Variants in EPHA6 observed in about 807,000 individuals in gnomAD.
EPHA6 encodes the protein ephrin type-A receptor 6.
EPHA6 carries 50 observed loss-of-function variants against 112.0 expected under a neutral mutation model. The ratio of observed to expected loss-of-function variants is 0.45; its 90% CI spans 0.36 to 0.56. EPHA6 has a LOEUF of 0.56. Among genes scored for constraint, EPHA6 ranks in the 20% least tolerant of loss-of-function variants. The pLI is 0.00. For synonymous variants in EPHA6, 529 were observed against 490.7 expected (o/e 1.08, Z -1.03); for missense variants, 1,280 against 1,417.4 (o/e 0.90, Z 1.56).
In EPHA6 at chr3:97,340,222, C is replaced by T. The variant is rs568743188; in HGVS notation, c.1607-64928C>T. On this transcript the variant is annotated intron_variant, in intron 5 of 17. Transcript: ENST00000389672. ...TTTCAGGCAGTTCTTGACCAAAGGC[C>T]TTTGTATATGTAGAAGTTCCTGTGG... Among the ~76,000 whole-genome samples the T allele has an allele frequency of 1.6e-3, 245 of 152,180 alleles. 3 individuals carry two copies. Among genetic ancestry groups the T allele is most frequent in the Non-Finnish European group, 1.8e-3 (122 of 68,000 alleles).
intron 5 of EPHA6, among the ~76,000 whole-genome samples, chr3:97,381,996 G>A (rs2085768280): frequency 6.6e-6 from 1 of 151,970 alleles, no homozygotes; most frequent in Admixed American, 6.6e-5. Context: ...TCTCATGTTT[G>A]TATTATAACA....
At chr3:97,122,667 A>T (rs1404634246) in intron 3 of EPHA6, among the ~76,000 whole-genome samples, 2 of 152,068 alleles carry the variant, frequency 1.3e-5, no homozygotes, top group African/African-American at 4.8e-5. Flanking sequence ...ATTACAAAAG[A>T]TTGTATCATC....
At chr3:97,596,875 A>AATATATATATATATATAT (rs62670860) in intron 12 of EPHA6, among the ~76,000 whole-genome samples, 347 of 100,284 alleles carry the variant, frequency 3.5e-3, no homozygotes, top group Non-Finnish European at 4.4e-3. Flanking sequence ...ATATCTATGG[A>AATATATATATATATATAT]ATATATATAT....
intron 14 of EPHA6, among the ~76,000 whole-genome samples, chr3:97,703,878 A>G: frequency 6.6e-6 from 1 of 152,182 alleles, no homozygotes; most frequent in Non-Finnish European, 1.5e-5. Context: ...ACTAAAAAAC[A>G]ACCTTTCTGA....
chr3:97,105,664 G>T (rs1339273087), intron 3 of EPHA6, among the ~76,000 whole-genome samples: 5 of 152,090 alleles, frequency 3.3e-5, no homozygotes, highest in Non-Finnish European at 7.3e-5. Context: ...AGGTCCATCA[G>T]ATTCATTTCA....
chr3:97,087,194 G>C (rs960790633), intron 3 of EPHA6, among the ~76,000 whole-genome samples: 10 of 152,146 alleles, frequency 6.6e-5, no homozygotes, highest in Admixed American at 5.9e-4. Flanking sequence ...GGAATTTACA[G>C]ACAGCTGTGG....
intron 5 of EPHA6, among the ~76,000 whole-genome samples, chr3:97,298,431 A>G (rs1305956963): frequency 6.6e-6 from 1 of 152,204 alleles, no homozygotes; most frequent in East Asian, 1.9e-4. Flanking sequence ...TCACTCTTAG[A>G]TGCCTGTTTC....
intron 3 of EPHA6, among the ~76,000 whole-genome samples, chr3:97,087,530 A>G (rs182863477): frequency 3.3e-5 from 5 of 152,312 alleles, no homozygotes; most frequent in Non-Finnish European, 5.9e-5. Context: ...GCCACTAGCT[A>G]GGCAGGTGGG....
At chr3:97,385,676 G>A (rs2086021386) in intron 5 of EPHA6, among the ~76,000 whole-genome samples, 1 of 152,142 alleles carries the variant, frequency 6.6e-6, no homozygotes, top group African/African-American at 2.4e-5. Flanking sequence ...ACAAAGGAAA[G>A]AAGTTTAATA....
At chr3:97,327,423 A>G (rs1301862970) in intron 5 of EPHA6, among the ~76,000 whole-genome samples, 1 of 151,982 alleles carries the variant, frequency 6.6e-6, no homozygotes, top group Admixed American at 6.6e-5. Context: ...GGACATTGAC[A>G]TTGATATAAT....
chr3:97,648,760 C>A (rs2094086293), intron 14 of EPHA6, among the ~76,000 whole-genome samples: 1 of 152,004 alleles, frequency 6.6e-6, no homozygotes, highest in Non-Finnish European at 1.5e-5. Flanking sequence ...ATATAATAAC[C>A]AATGCACTGA....
chr3:97,229,131 C>T (rs2078447762), intron 4 of EPHA6, among the ~76,000 whole-genome samples: 1 of 151,942 alleles, frequency 6.6e-6, no homozygotes, highest in Non-Finnish European at 1.5e-5. Flanking sequence ...TTGTTGGATG[C>T]ATAGTTTGCA....
intron 2 of EPHA6, among the ~76,000 whole-genome samples, chr3:96,941,364 G>A (rs1434451861): frequency 2.0e-5 from 3 of 151,892 alleles, no homozygotes; most frequent in Non-Finnish European, 4.4e-5. Context: ...TTCTATCACT[G>A]ATACCCTTTC....
chr3:96,860,080 A>G (rs1170729832), intron 1 of EPHA6, among the ~76,000 whole-genome samples: 3 of 152,154 alleles, frequency 2.0e-5, no homozygotes, highest in African/African-American at 4.8e-5. Flanking sequence ...CGTCCAATAT[A>G]TAGAGTTTAA....
chr3:97,743,352 G>T (rs750283210), intron 16 of EPHA6, among the ~76,000 whole-genome samples: 1 of 152,060 alleles, frequency 6.6e-6, no homozygotes, highest in African/African-American at 2.4e-5. Flanking sequence ...AAAACAGAGA[G>T]ATGTGTTCCT....
At chr3:96,997,370 ATC>A (rs1327374802) in intron 3 of EPHA6, among the ~76,000 whole-genome samples, 2 of 152,020 alleles carry the variant, frequency 1.3e-5, no homozygotes, top group African/African-American at 4.8e-5. Flanking sequence ...GTTTTCACCT[ATC>A]TCAGCTTTCA....
At chr3:97,333,762 A>G (rs1050945212) in intron 5 of EPHA6, among the ~76,000 whole-genome samples, 3 of 151,774 alleles carry the variant, frequency 2.0e-5, no homozygotes, top group African/African-American at 4.8e-5. Flanking sequence ...TACAGGCTTG[A>G]CCTATCGTGC....
intron 5 of EPHA6, among the ~76,000 whole-genome samples, chr3:97,303,375 C>A (rs754106255): frequency 2.0e-5 from 3 of 151,876 alleles, no homozygotes; most frequent in Non-Finnish European, 4.4e-5. Context: ...CTGAGAAATT[C>A]AAACAAGGTG....
At chr3:96,825,872 T>C (rs562359410) in intron 1 of EPHA6, among the ~76,000 whole-genome samples, 6 of 151,868 alleles carry the variant, frequency 4.0e-5, no homozygotes, top group African/African-American at 1.4e-4. Flanking sequence ...TGATATAGCC[T>C]TTTGGAAAAA....
Sources: gnomAD v4.1 joint callset for allele counts (sites outside exome capture counted in the v4.1 genomes callset) on GRCh38, gnomAD v4.1.1 for gene constraint, MANE v1.5 for transcripts, NCBI Gene and HGNC (gene_info 2026-07-23, HGNC 2026-07-21) for gene names.